Variants in WDR70 observed in about 807,000 individuals in gnomAD.
WDR70 encodes the protein WD repeat-containing protein 70.
WDR70 carries 53 observed loss-of-function variants against 88.6 expected under a neutral mutation model. That is an observed-to-expected ratio of 0.60 (90% CI 0.48 to 0.75). WDR70 has a LOEUF of 0.75. Ranked by LOEUF, WDR70 falls within the 30% of genes least tolerant of loss-of-function variation. The pLI is 0.00. For missense variants in WDR70, 610 were observed against 823.2 expected (o/e 0.74, Z 3.17); for synonymous variants, 280 against 270.0 (o/e 1.04, Z -0.36).
At chr5:37,569,876 A>G (rs1037868774) in intron 9 of WDR70, among the ~76,000 whole-genome samples, 2 of 152,228 alleles carry the variant, frequency 1.3e-5, no homozygotes, top group African/African-American at 4.8e-5. Flanking sequence ...AAGGGGCAGA[A>G]ATAGCATTTT....
chr5:37,563,315 C>A (rs1185020148), intron 9 of WDR70, among the ~76,000 whole-genome samples: 1 of 61,980 alleles, frequency 1.6e-5, no homozygotes, highest in African/African-American at 5.0e-5. Context: ...GGCCCCCCAC[C>A]TCCCTCCTGG....
chr5:37,513,269 G>C (rs2112248110), intron 8 of WDR70, among the ~76,000 whole-genome samples: 1 of 152,320 alleles, frequency 6.6e-6, no homozygotes, highest in South Asian at 2.1e-4. Context: ...TAGAGGACCA[G>C]GGAATACTTA....
chr5:37,417,472 G>T lies in WDR70; in HGVS notation c.493-20450G>T, dbSNP rs578000771. On this transcript the variant is annotated intron_variant, in intron 5 of 17. Coordinates refer to ENST00000265107, the MANE Select transcript of WDR70 (RefSeq NM_018034.4). Reference sequence around the variant, plus strand: ...ACTCCTGGGCTCAGGTGATCTGCCTGTCTCAGCCTCCCAAAGTGCTAGGAT... The same window carrying T: ...ACTCCTGGGCTCAGGTGATCTGCCTTTCTCAGCCTCCCAAAGTGCTAGGAT... Among the ~76,000 whole-genome samples, 5 of 151,378 alleles carry T rather than the reference G, an allele frequency of 3.3e-5. No individual in the cohort carries two copies. The East Asian group carries it at 7.8e-4, about 23-fold the overall frequency.
intron 9 of WDR70, among the ~76,000 whole-genome samples, chr5:37,591,060 G>A (rs1264244235): frequency 2.6e-5 from 4 of 152,132 alleles, no homozygotes; most frequent in Admixed American, 1.3e-4. Flanking sequence ...AGGAGACCAG[G>A]TGTGATGGCT....
intron 9 of WDR70, among the ~76,000 whole-genome samples, chr5:37,598,105 C>A (rs569969696): frequency 1.3e-4 from 20 of 152,078 alleles, no homozygotes; most frequent in Non-Finnish European, 2.8e-4. Context: ...TGAATGTATT[C>A]TGTATCACTT....
At chr5:37,410,707 G>A (rs988902499) in intron 5 of WDR70, among the ~76,000 whole-genome samples, 1 of 152,104 alleles carries the variant, frequency 6.6e-6, no homozygotes, top group Non-Finnish European at 1.5e-5. Flanking sequence ...AAATGGAATT[G>A]AACATTTTTG....
At chr5:37,579,015 G>C (rs375718734) in intron 9 of WDR70, among the ~76,000 whole-genome samples, 1 of 152,134 alleles carries the variant, frequency 6.6e-6, no homozygotes, top group East Asian at 1.9e-4. Flanking sequence ...TCTTCAAACT[G>C]TCTGTTCCTT....
chr5:37,546,517 G>A (rs150804998), intron 9 of WDR70, among the ~76,000 whole-genome samples: 2 of 152,174 alleles, frequency 1.3e-5, no homozygotes, highest in African/African-American at 4.8e-5. Flanking sequence ...TACTGTAGAA[G>A]ATGCAAATCA....
chr5:37,641,901 G>C (rs1417919438), intron 10 of WDR70, among the ~76,000 whole-genome samples: 2 of 152,092 alleles, frequency 1.3e-5, no homozygotes, highest in African/African-American at 4.8e-5. Flanking sequence ...ATTTTAGAAA[G>C]GTCAATTCTG....
Position 37,510,846 on chromosome 5 carries a change from A to G in WDR70, c.841-5668A>G, listed in dbSNP as rs191673344. 1.1e-4 allele frequency among the ~76,000 whole-genome samples: 17 copies of G among 152,340 alleles called. No individual in the cohort carries two copies. The East Asian group carries it at 3.3e-3, about 29-fold the overall frequency. ...GACTGCAGGTCAGTGATTTGATAAA[A>G]TATAGAATTTGATTTTACCTCATAG... On this transcript the variant is annotated intron_variant, in intron 8 of 17. Transcript: ENST00000265107.
At chr5:37,662,146 T>C (rs1240769035) in intron 10 of WDR70, among the ~76,000 whole-genome samples, 1 of 152,214 alleles carries the variant, frequency 6.6e-6, no homozygotes, top group Non-Finnish European at 1.5e-5. Flanking sequence ...TCCTCGGTTA[T>C]AATTTTTGCA....
chr5:37,551,395 A>T (rs562293430), intron 9 of WDR70, among the ~76,000 whole-genome samples: 2 of 151,892 alleles, frequency 1.3e-5, no homozygotes, highest in South Asian at 4.2e-4. Context: ...ACTTTTTGTT[A>T]TTACTATTTA....
chr5:37,579,582 CAA>C (rs201135421), intron 9 of WDR70, among the ~76,000 whole-genome samples: 1,684 of 82,716 alleles, frequency 0.02, 17 homozygotes, highest in African/African-American at 0.066. Context: ...GACTCTGTCT[CAA>C]AAAAAAAAAA....
At chr5:37,392,832 A>C (rs1490242473) in intron 4 of WDR70, among the ~76,000 whole-genome samples, 1 of 150,140 alleles carries the variant, frequency 6.7e-6, no homozygotes, top group Non-Finnish European at 1.5e-5. Context: ...ATTTTAGTAG[A>C]GATGGGGTTT....
intron 9 of WDR70, 56 bp from the exon 10 acceptor site, chr5:37,605,008 T>TC (rs1743990097): frequency 6.9e-7 from 1 of 1,442,642 alleles, no homozygotes; most frequent in Non-Finnish European, 9.1e-7. Flanking sequence ...TATTTTAACC[T>TC]CCCCCCTCCT....
intron 5 of WDR70, among the ~76,000 whole-genome samples, chr5:37,432,891 G>A (rs1750354308): frequency 6.6e-6 from 1 of 151,962 alleles, no homozygotes; most frequent in African/African-American, 2.4e-5. Context: ...GAGGTGGTTT[G>A]TTTTTTTCTG....
chr5:37,667,942 CTT>C (rs1745911585), intron 10 of WDR70, among the ~76,000 whole-genome samples: 1 of 146,350 alleles, frequency 6.8e-6, no homozygotes, highest in African/African-American at 2.5e-5. Flanking sequence ...ACTTAAAAGA[CTT>C]TGGCTTTTAA....
At chr5:37,691,547 A>G (rs776407125) in intron 10 of WDR70, among the ~76,000 whole-genome samples, 2 of 152,226 alleles carry the variant, frequency 1.3e-5, no homozygotes, top group Non-Finnish European at 2.9e-5. Context: ...AGAACTCAGG[A>G]TTAAGAAACT....
chr5:37,636,515 A>T (rs72740973), intron 10 of WDR70, among the ~76,000 whole-genome samples: 4,690 of 152,302 alleles, frequency 0.031, 114 homozygotes, highest in Middle Eastern at 0.12. Context: ...CAAAGGGAGA[A>T]TTAATAACTT....
Sources: gnomAD v4.1 joint callset for allele counts (sites outside exome capture counted in the v4.1 genomes callset) on GRCh38, gnomAD v4.1.1 for gene constraint, MANE v1.5 for transcripts, NCBI Gene and HGNC (gene_info 2026-07-23, HGNC 2026-07-21) for gene names.